SELENOO: variants seen among roughly 807,000 people sequenced by gnomAD.
The protein encoded by SELENOO is selenoprotein O.
Under a neutral mutation model 58.7 loss-of-function variants are expected in SELENOO, and 74 were observed. That is an observed-to-expected ratio of 1.26 (90% CI 1.04 to 1.53). The LOEUF is 1.53. SELENOO is among the 40% of genes most tolerant of loss of function. The probability of loss-of-function intolerance (pLI) is 0.00; values close to 1 mark genes in which losing one functional copy is unlikely to be tolerated. For synonymous variants in SELENOO, 543 were observed against 453.2 expected, an observed-to-expected ratio of 1.20 and a Z score of -2.52; for missense variants, 1,149 against 970.0, an observed-to-expected ratio of 1.18 and a Z score of -2.45.
chr22:50,205,835 T>G (rs1602488717), intron 1 of SELENOO: 1 of 165,598 alleles, frequency 6.0e-6, no homozygotes, highest in East Asian at 1.8e-4. Flanking sequence ...CTCGGGCGGG[T>G]TTTGCGGGGC....
intron 6 of SELENOO, 42 bp downstream of exon 6, chr22:50,215,909 A>G (rs1602496968): frequency 1.3e-6 from 2 of 1,540,552 alleles, no homozygotes; most frequent in Non-Finnish European, 1.8e-6. Flanking sequence ...GTTTCCAGAA[A>G]AGGAAGCATA....
intron 2 of SELENOO, 28 bp from the exon 3 acceptor site, chr22:50,208,508 C>A: frequency 1.2e-6 from 2 of 1,604,644 alleles, no homozygotes; most frequent in Non-Finnish European, 1.7e-6. Context: ...CAGGTTTGGG[C>A]TGTTGACGCC....
At chr22:50,203,426 A>C (rs1218021988) in intron 1 of SELENOO, among the ~76,000 whole-genome samples, 3 of 152,196 alleles carry the variant, frequency 2.0e-5, no homozygotes, top group African/African-American at 7.2e-5. Context: ...AATGGACAAA[A>C]CAATCTTGAA....
Position 50,210,306 on chromosome 22 carries a change from G to A in SELENOO, c.1065G>A (p.Leu355=), listed in dbSNP as rs776341468. Residue 355 remains leucine, a synonymous_variant, in exon 4 of 9, where the codon CTG becomes CTA. Coordinates refer to ENST00000380903, the MANE Select transcript of SELENOO (RefSeq NM_031454.2). The part of the protein sequence containing the change: ...LTIDYGPFGF[L]DRYDPDHVCN... ...TCGACTACGGGCCCTTTGGCTTCCT[G>A]GACAGGTAAGTGGCCCTGGGGCCCA... is the stretch of plus-strand genomic sequence containing the variant. 1.2e-6 allele frequency: 2 copies of A among 1,613,066 alleles called. No homozygotes were observed. Among genetic ancestry groups the A allele is most frequent in the Non-Finnish European group, 1.7e-6 (2 of 1,179,886 alleles).
At chr22:50,201,737 C>A in intron 1 of SELENOO, 147 bp downstream of exon 1, 1 of 512,250 alleles carries the variant, frequency 2.0e-6, no homozygotes, top group Non-Finnish European at 3.0e-6. Flanking sequence ...TGGCAGCCGC[C>A]CGCGCCCTGT....
At chr22:50,207,526 C>T (rs960912774) in intron 2 of SELENOO, among the ~76,000 whole-genome samples, 10 of 151,708 alleles carry the variant, frequency 6.6e-5, no homozygotes, top group African/African-American at 2.2e-4. Flanking sequence ...CCGTCCTGCC[C>T]GGGACACCAG....
At position 50,208,590 on chromosome 22, in the gene SELENOO, C is replaced by T. The variant is rs755229808; in HGVS notation, c.813C>T (p.Gly271=). The change falls in exon 3 of 9, where the codon GGC becomes GGT. Residue 271 remains glycine (G), a synonymous_variant. Coordinates refer to ENST00000380903, the MANE Select transcript of SELENOO (RefSeq NM_031454.2). ...KSADEHTGRA[G]PSVGRNDIRV... ...CAGATGAGCACACAGGGCGTGCAGG[C>T]CCCAGCGTGGGGAGGAACGACATTC... 6.2e-7 allele frequency: 1 copy of T among 1,613,924 alleles called. No individual in the cohort carries two copies. Among genetic ancestry groups the T allele is most frequent in the Non-Finnish European group, 8.5e-7 (1 of 1,179,988 alleles).
chr22:50,201,273 G>A lies in SELENOO; in HGVS notation c.237G>A (p.Gly79=). The A allele has an allele frequency of 9.3e-7, 1 of 1,074,014 alleles. No individual in the cohort carries two copies. The highest frequency in any genetic ancestry group is 1.1e-6 in the Non-Finnish European group (1 of 890,570). 66.5% of individuals were successfully genotyped at this position (1,074,014 alleles called of 1,614,324 possible). The change falls in exon 1 of 9, where the codon GGG becomes GGA. Residue 79 remains glycine, a synonymous_variant. Transcript: ENST00000380903. ...GAPSAPRPVP[G]ACFTRVQPTP... Reference sequence around the variant, plus strand: ...CGTCCGCGCCGCGGCCCGTGCCCGGGGCCTGCTTCACCCGCGTGCAGCCCA... The same window carrying A: ...CGTCCGCGCCGCGGCCCGTGCCCGGAGCCTGCTTCACCCGCGTGCAGCCCA...
chr22:50,213,859 A>G (rs2064388363), intron 5 of SELENOO, among the ~76,000 whole-genome samples: 1 of 151,868 alleles, frequency 6.6e-6, no homozygotes, highest in Non-Finnish European at 1.5e-5. Context: ...CGTGTTAGCC[A>G]GGATGGTCTT....
chr22:50,217,202 C>T lies in SELENOO; in HGVS notation c.1846-3C>T, dbSNP rs760752200. On this transcript the variant is annotated splice_polypyrimidine_tract_variant and splice_region_variant and intron_variant, in intron 8 of 8. Coordinates refer to ENST00000380903, the MANE Select transcript of SELENOO (RefSeq NM_031454.2). The stretch of plus-strand genomic sequence containing the variant: ...GACCCCTCTCACCCTCCTGATCCTC[C>T]AGGTGCGGCGGGTGCTGAAACTACT... 2 of 1,612,084 alleles carry T rather than the reference C, an allele frequency of 1.2e-6. No individual in the cohort carries two copies. The highest frequency in any genetic ancestry group is 1.7e-6 in the Non-Finnish European group (2 of 1,179,270).
rs2064332731 is a variant in SELENOO, at chr22:50,206,351, A to G, written c.589A>G (p.Ile197Val). The change falls in exon 2 of 9, where the codon ATC becomes GTC. Residue 197 changes from isoleucine to valine, a missense_variant. Transcript: ENST00000380903. Reference protein sequence around the residue: ...ADGRKVLRSSIREFLCSEAMF... With the variant: ...ADGRKVLRSSVREFLCSEAMF... Reference sequence around the variant, plus strand: ...CGGTCGCAAGGTCCTACGGTCAAGCATCCGGGAGTTTCTATGCAGCGAAGC... The same window carrying G: ...CGGTCGCAAGGTCCTACGGTCAAGCGTCCGGGAGTTTCTATGCAGCGAAGC... 2 of 1,613,922 alleles carry G rather than the reference A, an allele frequency of 1.2e-6. No individual in the cohort carries two copies. Among genetic ancestry groups the G allele is most frequent in the Non-Finnish European group, 1.7e-6 (2 of 1,180,026 alleles).
Position 50,210,889 on chromosome 22 carries a change from C to T in SELENOO, c.1329C>T (p.Leu443=), listed in dbSNP as rs200513761. ...AAGACGGGGCGCTGGTGTCCAAGCT[C>T]CTGGAGACCATGCATCTGACCGGTG... ...LEEDGALVSK[L]LETMHLTGAD... The change falls in exon 5 of 9, where the codon CTC becomes CTT. Residue 443 remains leucine, a synonymous_variant. Coordinates refer to ENST00000380903, the MANE Select transcript of SELENOO (RefSeq NM_031454.2). The T allele has an allele frequency of 2.5e-6, 4 of 1,614,136 alleles. No individual in the cohort carries two copies. Among genetic ancestry groups the T allele is most frequent in the Non-Finnish European group, 3.4e-6 (4 of 1,180,040 alleles).
At position 50,216,747 on chromosome 22, in the gene SELENOO, T is replaced by G; in HGVS notation, c.1559T>G (p.Met520Arg). The change falls in exon 7 of 9, where the codon ATG becomes AGG. Residue 520 changes from methionine (M) to arginine (R), a missense_variant. Coordinates refer to ENST00000380903, the MANE Select transcript of SELENOO (RefSeq NM_031454.2). ...AQSNPQLFAL[M>R]GTRAGIAREL... ...TCAAACCCGCAGCTGTTCGCGCTTA[T>G]GGGCACCCGGGCAGGCATCGCCAGG... 1 of 1,607,476 alleles carries G rather than the reference T, an allele frequency of 6.2e-7. No homozygotes were observed. The highest frequency in any genetic ancestry group is 1.1e-5 in the South Asian group (1 of 90,740).
At chr22:50,214,823 A>G (rs757087477) in intron 5 of SELENOO, among the ~76,000 whole-genome samples, 1 of 152,012 alleles carries the variant, frequency 6.6e-6, no homozygotes, top group African/African-American at 2.4e-5. Context: ...TCTTTAGGTT[A>G]CTCTTTGCCT....
chr22:50,213,957 C>G (rs955628152), intron 5 of SELENOO, among the ~76,000 whole-genome samples: 12 of 152,150 alleles, frequency 7.9e-5, no homozygotes, highest in Admixed American at 7.2e-4. Flanking sequence ...CCTAGATGGT[C>G]TATCCATTAT....
chr22:50,205,973 C>T (rs1181079351), intron 1 of SELENOO: 1 of 332,634 alleles, frequency 3.0e-6, no homozygotes, highest in African/African-American at 2.2e-5. Context: ...TGTTGTGTCC[C>T]ATGGGGCAGG....
chr22:50,202,313 C>T (rs1202098997), intron 1 of SELENOO, among the ~76,000 whole-genome samples: 2 of 152,142 alleles, frequency 1.3e-5, no homozygotes, highest in Non-Finnish European at 2.9e-5. Context: ...CCTGAAATGC[C>T]CCTCGGTCCC....
chr22:50,206,562 TA>T (rs965860975), intron 2 of SELENOO, 42 bp downstream of exon 2: 2 of 1,538,864 alleles, frequency 1.3e-6, no homozygotes, highest in African/African-American at 2.7e-5. Context: ...CGCACTTGCT[TA>T]GAGTCCTAGG....
At chr22:50,211,738 T>C (rs758754789) in intron 5 of SELENOO, among the ~76,000 whole-genome samples, 44 of 152,216 alleles carry the variant, frequency 2.9e-4, no homozygotes, top group Non-Finnish European at 4.9e-4. Flanking sequence ...AGTTTCACTC[T>C]TGTTGCCCAG....
Sources: gnomAD v4.1 joint callset for allele counts (sites outside exome capture counted in the v4.1 genomes callset) on GRCh38, gnomAD v4.1.1 for gene constraint, MANE v1.5 for transcripts, NCBI Gene and HGNC (gene_info 2026-07-23, HGNC 2026-07-21) for gene names.